NFYC: variants seen among roughly 807,000 people sequenced by gnomAD.
NFYC encodes CAAT box DNA-binding protein subunit C.
NFYC carries 25 observed loss-of-function variants against 53.1 expected under a neutral mutation model. The ratio of observed to expected loss-of-function variants is 0.47; its 90% CI spans 0.34 to 0.66. The LOEUF is 0.66. NFYC is among the 30% of genes least tolerant of loss of function. The pLI, the probability that NFYC is intolerant of heterozygous loss-of-function variation, is 0.01. For missense variants in NFYC, 260 were observed against 422.7 expected (o/e 0.62, Z 3.38); for synonymous variants, 145 against 152.6 (o/e 0.95, Z 0.37).
Position 40,700,543 on chromosome 1 carries a change from G to C in NFYC, c.-9+8676G>C, listed in dbSNP as rs976116376. On this transcript the variant is annotated intron_variant, in intron 1 of 9. Coordinates refer to ENST00000447388, the MANE Select transcript of NFYC (RefSeq NM_014223.5). ...TTATTGTTAGTAGTGAGGAGGTCTT[G>C]CTATGTTGTCCAGGCTAGTCCCAAA... Among the ~76,000 whole-genome samples the C allele has an allele frequency of 2.6e-5, 4 of 151,930 alleles. No homozygotes were observed. The South Asian group carries it at 8.3e-4, about 32-fold the overall frequency.
chr1:40,729,622 G>A (rs1266234760), intron 1 of NFYC, among the ~76,000 whole-genome samples: 5 of 150,984 alleles, frequency 3.3e-5, no homozygotes, highest in African/African-American at 9.7e-5. Context: ...TTTCTTTGCA[G>A]TCACAGCTTG....
chr1:40,716,517 C>T (rs527882748), intron 1 of NFYC, among the ~76,000 whole-genome samples: 105 of 152,202 alleles, frequency 6.9e-4, no homozygotes, highest in African/African-American at 2.3e-3. Flanking sequence ...GCCTTGTTTG[C>T]TAGGCTAAGA....
chr1:40,769,848 C>T (rs1340482161), intron 9 of NFYC, among the ~76,000 whole-genome samples: 1 of 152,144 alleles, frequency 6.6e-6, no homozygotes, highest in East Asian at 1.9e-4. Context: ...TCTCTGGGTG[C>T]CTGAAATTCA....
intron 1 of NFYC, among the ~76,000 whole-genome samples, chr1:40,732,266 A>C (rs973212072): frequency 2.9e-4 from 44 of 152,360 alleles, no homozygotes; most frequent in African/African-American, 1.0e-3. Context: ...ACTGAAGTCT[A>C]AAGGTCCTGA....
chr1:40,715,029 G>C (rs905496986), intron 1 of NFYC, among the ~76,000 whole-genome samples: 1 of 151,810 alleles, frequency 6.6e-6, no homozygotes, highest in Admixed American at 6.6e-5. Flanking sequence ...GCAGTGAGCC[G>C]ACATGGCGCC....
intron 8 of NFYC, 69 bp from the exon 9 acceptor site, chr1:40,769,285 CTT>C (rs1215920565): frequency 2.0e-6 from 3 of 1,494,230 alleles, no homozygotes; most frequent in Non-Finnish European, 2.8e-6. Flanking sequence ...TTATGACCCT[CTT>C]TTGGGTGGTG....
At chr1:40,734,121 T>G (rs1378620682) in intron 1 of NFYC, among the ~76,000 whole-genome samples, 1 of 152,114 alleles carries the variant, frequency 6.6e-6, no homozygotes, top group Non-Finnish European at 1.5e-5. Flanking sequence ...CCTGAAGTGA[T>G]TCTCCTGTCT....
chr1:40,767,128 C>T, intron 8 of NFYC: 1 of 707,084 alleles, frequency 1.4e-6, no homozygotes, highest in Admixed American at 2.3e-5. Context: ...TCTTGCATCC[C>T]TAACCAGAAA....
intron 5 of NFYC, among the ~76,000 whole-genome samples, chr1:40,756,134 A>C (rs1646206482): frequency 6.6e-6 from 1 of 152,206 alleles, no homozygotes; most frequent in Non-Finnish European, 1.5e-5. Context: ...GGGAGATCTC[A>C]GTGGAACACA....
intron 1 of NFYC, among the ~76,000 whole-genome samples, chr1:40,698,711 C>T (rs1643279078): frequency 6.6e-6 from 1 of 152,108 alleles, no homozygotes; most frequent in South Asian, 2.1e-4. Context: ...GAATACCCTT[C>T]ATTTAAAGCC....
At chr1:40,704,159 C>T (rs985039790) in intron 1 of NFYC, among the ~76,000 whole-genome samples, 1 of 151,966 alleles carries the variant, frequency 6.6e-6, no homozygotes. Flanking sequence ...GCAACCTCCA[C>T]CTCCCAGGTT....
chr1:40,747,744 G>A (rs1570612358), intron 3 of NFYC, 139 bp downstream of exon 3: 1 of 640,570 alleles, frequency 1.6e-6, no homozygotes, highest in South Asian at 2.2e-5. Context: ...TTTGGTTCCT[G>A]TGCAAAATTG....
Position 40,691,750 on chromosome 1 carries a change from G to A in NFYC, c.-126G>A. On this transcript the variant is annotated 5_prime_UTR_variant, in exon 1 of 10. Coordinates refer to ENST00000447388, the MANE Select transcript of NFYC (RefSeq NM_014223.5). The stretch of plus-strand genomic sequence containing the variant: ...TTGCTTGTGCCCCCGCTTCGCGCGC[G>A]CTCCGTTCTCCGTGACGCACACTTC... 1 of 455,296 alleles carries A rather than the reference G, an allele frequency of 2.2e-6. No individual in the cohort carries two copies. Among genetic ancestry groups the A allele is most frequent in the Non-Finnish European group, 4.4e-6 (1 of 226,358 alleles). The allele number at this position is 455,296 out of a possible 1,614,324, so 28.2% of individuals were successfully genotyped here.
At chr1:40,723,314 T>G (rs1397335231) in intron 1 of NFYC, 11 of 152,194 alleles carry the variant, frequency 7.2e-5, no homozygotes, top group Admixed American at 5.2e-4. Flanking sequence ...CAACTTAACT[T>G]AGGCTACAGG....
chr1:40,698,137 C>G (rs896253717), intron 1 of NFYC, among the ~76,000 whole-genome samples: 1 of 152,096 alleles, frequency 6.6e-6, no homozygotes, highest in African/African-American at 2.4e-5. Flanking sequence ...ACGAGGCTGG[C>G]AGATCACCTG....
At chr1:40,731,071 G>T (rs923917251) in intron 1 of NFYC, among the ~76,000 whole-genome samples, 7 of 152,114 alleles carry the variant, frequency 4.6e-5, no homozygotes, top group Non-Finnish European at 8.8e-5. Context: ...GTGAGAGTGT[G>T]CCCTGTGATT....
At position 40,770,340 on chromosome 1, in the gene NFYC, A is replaced by G; in HGVS notation, c.889-369A>G. ...CAGTGTAGATTACCAAGAGTTGGGG[A>G]AATGCTGACTTCCAAGCTGCTGGTA... is the stretch of plus-strand genomic sequence containing the variant. On this transcript the variant is annotated intron_variant, in intron 9 of 9. Coordinates refer to ENST00000447388, the MANE Select transcript of NFYC (RefSeq NM_014223.5). The surrounding 1 kb of genome is among the most constrained non-coding windows in gnomAD (Gnocchi z 5.3). The G allele has an allele frequency of 6.7e-7, 1 of 1,482,930 alleles. No homozygotes were observed. Among genetic ancestry groups the G allele is most frequent in the South Asian group, 1.3e-5 (1 of 75,972 alleles). The allele number at this position is 1,482,930 out of a possible 1,614,324, so 91.9% of individuals were successfully genotyped here.
intron 5 of NFYC, among the ~76,000 whole-genome samples, chr1:40,756,866 C>A (rs530803784): frequency 6.6e-6 from 1 of 152,318 alleles, no homozygotes; most frequent in African/African-American, 2.4e-5. Context: ...TAGGCTTTGC[C>A]CTCATGGTGC....
chr1:40,715,671 C>T (rs992596822), intron 1 of NFYC, among the ~76,000 whole-genome samples: 2 of 152,190 alleles, frequency 1.3e-5, no homozygotes, highest in South Asian at 2.1e-4. Flanking sequence ...AGCTAGACCC[C>T]GCTGTTCAAT....
Sources: gnomAD v4.1 joint callset for allele counts (sites outside exome capture counted in the v4.1 genomes callset) on GRCh38, gnomAD v4.1.1 for gene constraint, Gnocchi (gnomAD v3.1) non-coding constraint, MANE v1.5 for transcripts, NCBI Gene and HGNC (gene_info 2026-07-23, HGNC 2026-07-21) for gene names.